The following WFS1 variants were observed in gnomAD, a reference collection of about 807,000 sequenced individuals.
WFS1 encodes wolframin.
In WFS1, 90 loss-of-function variants were observed where a neutral mutation model predicts 68.5. The observed-to-expected ratio is 1.31, with a 90% CI of 1.11 to 1.56. The LOEUF (loss-of-function observed/expected upper bound fraction) is 1.56. Among genes scored for constraint, WFS1 ranks in the 40% most tolerant of loss-of-function variants. WFS1 has a pLI of 0.00. For synonymous variants in WFS1, 860 were observed against 540.7 expected, an observed-to-expected ratio of 1.59 and a Z score of -8.19; for missense variants, 1,767 against 1,232.6, an observed-to-expected ratio of 1.43 and a Z score of -6.49.
intron 7 of WFS1, among the ~76,000 whole-genome samples, chr4:6,299,613 A>G (rs1246648072): frequency 5.8e-5 from 1 of 17,128 alleles, no homozygotes; most frequent in Non-Finnish European, 9.7e-5. Flanking sequence ...GAATGCAGGT[A>G]GGTTGCGTGT....
chr4:6,288,690 C>CGTGTAGAT, intron 3 of WFS1: 1 of 457,470 alleles, frequency 2.2e-6, no homozygotes, highest in Admixed American at 3.4e-5. Flanking sequence ...TGATGGTGAG[C>CGTGTAGAT]CTTGGCAGGC....
intron 4 of WFS1, 61 bp downstream of exon 4, chr4:6,289,192 G>A (rs1370281615): frequency 6.6e-7 from 1 of 1,518,138 alleles, no homozygotes; most frequent in African/African-American, 1.4e-5. Flanking sequence ...AATGCTGCTT[G>A]CTAACTGAAC....
rs942793250 is a variant in WFS1 at position 6,300,940 on chromosome 4, T to C, written c.1145T>C (p.Leu382Pro). The C allele has an allele frequency of 3.7e-6, 6 of 1,614,096 alleles. No individual in the cohort carries two copies. The Admixed American group carries it at 5.0e-5, about 13-fold the overall frequency. ...ENFRTLTDLL[L>P]RFEPNLDVEQ... ...TTCCGCACCCTCACCGACCTGCTGC[T>C]GCGCTTCGAGCCCAACCTGGATGTG... The change falls in exon 8 of 8, where the codon CTG (leucine) becomes CCG (proline). Residue 382 changes from leucine (L) to proline (P), a missense_variant. Coordinates refer to ENST00000226760, the MANE Select transcript of WFS1 (RefSeq NM_006005.3).
chr4:6,273,299 G>A (rs192129833), intron 1 of WFS1, among the ~76,000 whole-genome samples: 30 of 152,346 alleles, frequency 2.0e-4, no homozygotes, highest in African/African-American at 2.6e-4. Flanking sequence ...GTGTTTGGAC[G>A]GGATAAAAAT....
chr4:6,284,626 C>T (rs995204970), intron 2 of WFS1, among the ~76,000 whole-genome samples: 7 of 151,918 alleles, frequency 4.6e-5, no homozygotes, highest in African/African-American at 1.7e-4. Flanking sequence ...AGTACAGCAA[C>T]AGCCCTGGGG....
intron 1 of WFS1, among the ~76,000 whole-genome samples, chr4:6,270,905 G>A (rs1262828532): frequency 1.3e-5 from 2 of 152,208 alleles, no homozygotes; most frequent in Non-Finnish European, 2.9e-5. Context: ...GCCAGCCCAG[G>A]ACCACGAAGC....
chr4:6,277,435 T>C lies in WFS1; in HGVS notation c.-5-16T>C, dbSNP rs1486866175. 1 of 1,550,358 alleles carries C rather than the reference T, an allele frequency of 6.5e-7. No homozygotes were observed. The highest frequency in any genetic ancestry group is 1.2e-5 in the South Asian group (1 of 84,090). On this transcript the variant is annotated splice_polypyrimidine_tract_variant and intron_variant, in intron 1 of 7. Transcript: ENST00000226760. Reference sequence around the variant, plus strand: ...CTGCCGGTGCTGGATGTGCCTGACCTTGACTTTTCTTCCAGGCAGGATGGA... The same window carrying C: ...CTGCCGGTGCTGGATGTGCCTGACCCTGACTTTTCTTCCAGGCAGGATGGA...
chr4:6,301,228 G>A lies in WFS1; in HGVS notation c.1433G>A (p.Trp478Ter), dbSNP rs377726402. The A allele has an allele frequency of 3.7e-5, 60 of 1,611,630 alleles. No homozygotes were observed. Among genetic ancestry groups the A allele is most frequent in the Non-Finnish European group, 4.8e-5 (57 of 1,180,030 alleles). Residue 478 changes from tryptophan (W) to a stop codon, truncating the protein, a stop_gained, in exon 8 of 8, where the codon TGG becomes TAG. Transcript: ENST00000226760. LOFTEE classifies it high-confidence loss of function. ...CTGCTGCCCTCCATGCCCTTGAATT[G>A]GCCCTACCTGAAGGTCCTTGGCCAG... ...LSLLPSMPLN[W>*]PYLKVLGQTF...
rs371911218 is a variant in WFS1, at chr4:6,301,344, C to T, written c.1549C>T (p.Arg517Cys). 65 of 1,612,138 alleles carry T rather than the reference C, an allele frequency of 4.0e-5. No homozygotes were observed. The highest frequency in any genetic ancestry group is 8.0e-5 in the African/African-American group (6 of 74,950). Residue 517 changes from arginine to cysteine, a missense_variant, in exon 8 of 8, where the codon CGC becomes TGC. By Grantham distance (180) the Arg-to-Cys change is radical. Coordinates refer to ENST00000226760, the MANE Select transcript of WFS1 (RefSeq NM_006005.3). ...TGTCTACCTGCTCTATCTCTTCTTC[C>T]GCATGGCACAGCTGAGGAATTTCAA... The part of the protein sequence containing the change: ...LYVYLLYLFF[R>C]MAQLRNFKGT...
intron 2 of WFS1, among the ~76,000 whole-genome samples, chr4:6,279,305 C>G (rs1048204996): frequency 2.6e-5 from 4 of 152,366 alleles, no homozygotes; most frequent in African/African-American, 9.6e-5. Context: ...CTGACACTTC[C>G]CCGAGCTAGG....
intron 6 of WFS1, among the ~76,000 whole-genome samples, chr4:6,293,437 C>T (rs542847518): frequency 4.1e-4 from 62 of 152,216 alleles, no homozygotes; most frequent in Non-Finnish European, 7.5e-4. Flanking sequence ...CAGAAAGGGG[C>T]GTCTGTCATC....
At chr4:6,272,908 T>C (rs1729879343) in intron 1 of WFS1, among the ~76,000 whole-genome samples, 1 of 152,250 alleles carries the variant, frequency 6.6e-6, no homozygotes, top group African/African-American at 2.4e-5. Context: ...CTGTACAGCG[T>C]TGCACCATAT....
rs767187212 is a variant in WFS1 at position 6,301,234 on chromosome 4, A to T, written c.1439A>T (p.Tyr480Phe). ...LLPSMPLNWPYLKVLGQTFIT... is the reference protein window; with the variant it reads ...LLPSMPLNWPFLKVLGQTFIT... The stretch of plus-strand genomic sequence containing the variant: ...CCCTCCATGCCCTTGAATTGGCCCT[A>T]CCTGAAGGTCCTTGGCCAGACCTTC... The change falls in exon 8 of 8, where the codon TAC (tyrosine) becomes TTC (phenylalanine). Residue 480 changes from tyrosine (Y) to phenylalanine (F), a missense_variant. Transcript: ENST00000226760. The T allele has an allele frequency of 1.2e-6, 2 of 1,611,558 alleles. No homozygotes were observed. Among genetic ancestry groups the T allele is most frequent in the African/African-American group, 1.3e-5 (1 of 74,906 alleles).
rs200099217 is a variant in WFS1 at position 6,301,917 on chromosome 4, C to T, written c.2122C>T (p.Arg708Cys). The change falls in exon 8 of 8, where the codon CGC (arginine) becomes TGC (cysteine). Residue 708 changes from arginine to cysteine, a missense_variant. Physicochemically the swap from Arg to Cys is radical, Grantham distance 180. Coordinates refer to ENST00000226760, the MANE Select transcript of WFS1 (RefSeq NM_006005.3). ...GTGGACCGGCCGCTTCAAGTACGTC[C>T]GCGTGACTGACATCGACAACAGCGC... ...VTWTGRFKYVRVTDIDNSAES... is the reference protein window; with the variant it reads ...VTWTGRFKYVCVTDIDNSAES... The T allele has an allele frequency of 8.8e-5, 142 of 1,612,806 alleles. No homozygotes were observed. Among genetic ancestry groups the T allele is most frequent in the East Asian group, 1.8e-4 (8 of 44,888 alleles).
intron 2 of WFS1, among the ~76,000 whole-genome samples, chr4:6,285,175 A>ATCCAGGGAGAGTTAGG (rs1553876376): frequency 7.7e-5 from 11 of 142,222 alleles, no homozygotes; most frequent in Non-Finnish European, 1.4e-4. Flanking sequence ...GGAGAGTTAC[A>ATCCAGGGAGAGTTAGG]TCCAGGGAGA....
chr4:6,274,290 G>T (rs1051383013), intron 1 of WFS1, among the ~76,000 whole-genome samples: 1 of 151,608 alleles, frequency 6.6e-6, no homozygotes, highest in Non-Finnish European at 1.5e-5. Flanking sequence ...CTTGTGATCT[G>T]CCCGCCTCGG....
rs71530919 is a variant in WFS1, at chr4:6,302,826, T to C, written c.*358T>C. 1.5e-3 allele frequency: 552 copies of C among 362,480 alleles called. 3 individuals are homozygous for C. The highest frequency in any genetic ancestry group is 8.8e-3 in the African/African-American group (424 of 47,964). 22.5% of individuals were successfully genotyped at this position (362,480 alleles called of 1,614,324 possible). On this transcript the variant is annotated 3_prime_UTR_variant, in exon 8 of 8. Coordinates refer to ENST00000226760, the MANE Select transcript of WFS1 (RefSeq NM_006005.3). ...CCACCTTCAAGCACCCTGTTCCCTC[T>C]TTCTTTCTTTTGTGTTGGATTTGTT...
chr4:6,296,351 G>A (rs527365975), intron 7 of WFS1, among the ~76,000 whole-genome samples: 3 of 152,314 alleles, frequency 2.0e-5, no homozygotes, highest in African/African-American at 4.8e-5. Context: ...CCAGAGCTGC[G>A]AGTCCTTTAG....
chr4:6,288,216 C>CAAAAAA (rs5855906), intron 3 of WFS1, among the ~76,000 whole-genome samples: 1 of 131,148 alleles, frequency 7.6e-6, no homozygotes, highest in East Asian at 2.2e-4. Context: ...GACTCTGTCT[C>CAAAAAA]AAAAAAAAAA....
Sources: allele counts gnomAD v4.1 joint callset (sites outside exome capture counted in the v4.1 genomes callset), GRCh38; gene constraint gnomAD v4.1.1; transcripts MANE v1.5; gene names NCBI Gene and HGNC (gene_info 2026-07-23, HGNC 2026-07-21).